The following SIRPG variants were observed in gnomAD, a reference collection of about 807,000 sequenced individuals.
SIRPG encodes signal regulatory protein gamma.
A neutral mutation model predicts 35.7 loss-of-function variants in SIRPG; 38 were observed. The ratio of observed to expected loss-of-function variants is 1.06; its 90% CI spans 0.82 to 1.40. The LOEUF (loss-of-function observed/expected upper bound fraction) is 1.40, where lower values mean the gene tolerates loss of function less well. SIRPG is among the 40% of genes most tolerant of loss of function. SIRPG has a pLI of 0.00. For synonymous variants in SIRPG, 215 were observed against 190.4 expected (o/e 1.13, Z -1.06); for missense variants, 519 against 483.0 (o/e 1.07, Z -0.70).
chr20:1,664,837 G>A, the SIRPG span, among the ~76,000 whole-genome samples: 8 of 152,226 alleles, frequency 5.3e-5, no homozygotes, highest in African/African-American at 1.9e-4. Flanking sequence ...GCCCTTTCCC[G>A]CATCCCTTCC....
At chr20:1,686,317 C>G in the SIRPG span, among the ~76,000 whole-genome samples, 2 of 152,032 alleles carry the variant, frequency 1.3e-5, no homozygotes, top group Non-Finnish European at 2.9e-5. Flanking sequence ...GGTTCTAGCC[C>G]AAGGCAGTGC....
the SIRPG span, among the ~76,000 whole-genome samples, chr20:1,668,142 C>T: frequency 2.6e-5 from 3 of 116,480 alleles, no homozygotes; most frequent in Non-Finnish European, 5.5e-5. Flanking sequence ...TTTCTCTTTT[C>T]TTTTCTTTTT....
chr20:1,659,039 T>A (rs1265355572), upstream of SIRPG, among the ~76,000 whole-genome samples: 1 of 152,224 alleles, frequency 6.6e-6, no homozygotes, highest in Non-Finnish European at 1.5e-5. Context: ...TGTTAGAATA[T>A]GCACCTTGTA....
At chr20:1,647,967 A>T (rs2122534983) in intron 2 of SIRPG, 1 of 152,296 alleles carries the variant, frequency 6.6e-6, no homozygotes, top group Non-Finnish European at 1.5e-5. Context: ...CTGGGGAAGG[A>T]AGGAGCCTGC....
chr20:1,649,410 T>G lies in SIRPG; in HGVS notation c.74-2A>C. Reference sequence around the variant, plus strand: ...GTAGCTCCTCCTCACCTGCCACTTCTGAAAAGGAGCACAAAGCAATCATTT... The same window carrying G: ...GTAGCTCCTCCTCACCTGCCACTTCGGAAAAGGAGCACAAAGCAATCATTT... On this transcript the variant is annotated splice_acceptor_variant, in intron 1 of 5. Transcript: ENST00000303415. LOFTEE classifies it high-confidence loss of function. The G allele has an allele frequency of 6.3e-7, 1 of 1,597,698 alleles. No individual in the cohort carries two copies. Among genetic ancestry groups the G allele is most frequent in the Non-Finnish European group, 8.5e-7 (1 of 1,170,464 alleles).
At chr20:1,650,665 A>G (rs2091935070) in intron 1 of SIRPG, among the ~76,000 whole-genome samples, 1 of 152,324 alleles carries the variant, frequency 6.6e-6, no homozygotes, top group South Asian at 2.1e-4. Flanking sequence ...AAAAAGAGGA[A>G]GAGAAAAAAG....
chr20:1,671,500 G>C, the SIRPG span, among the ~76,000 whole-genome samples: 1 of 152,156 alleles, frequency 6.6e-6, no homozygotes, highest in Non-Finnish European at 1.5e-5. Flanking sequence ...CCCCTGGAGA[G>C]TTCACCAATC....
chr20:1,684,593 G>A, the SIRPG span, among the ~76,000 whole-genome samples: 2 of 152,288 alleles, frequency 1.3e-5, no homozygotes, highest in Middle Eastern at 3.4e-3. Context: ...ATACACCAGC[G>A]TTTTAACTCT....
chr20:1,640,936 G>A (rs922240122), intron 2 of SIRPG, among the ~76,000 whole-genome samples: 3 of 152,178 alleles, frequency 2.0e-5, no homozygotes, highest in Non-Finnish European at 4.4e-5. Flanking sequence ...TGTTGAACAA[G>A]CCTTGCATGC....
Position 1,630,260 on chromosome 20 carries a change from C to A in SIRPG, c.1128G>T (p.Leu376=). ...LTALLLIAVL[L]GPIYVPWKQK... Reference sequence around the variant, plus strand: ...GCTTCCAGGGGACGTAGATGGGGCCCAGGAGGACAGCTATGAGGAGCAGCG... The same window carrying A: ...GCTTCCAGGGGACGTAGATGGGGCCAAGGAGGACAGCTATGAGGAGCAGCG... The change falls in exon 5 of 6, where the codon CTG becomes CTT. Residue 376 remains leucine, a synonymous_variant. Transcript: ENST00000303415. The A allele has an allele frequency of 6.3e-7, 1 of 1,574,978 alleles. No homozygotes were observed. The highest frequency in any genetic ancestry group is 2.3e-5 in the East Asian group (1 of 43,136).
At chr20:1,662,043 C>T (rs539932542), upstream of SIRPG, among the ~76,000 whole-genome samples, 1 of 152,292 alleles carries the variant, frequency 6.6e-6, no homozygotes, top group Admixed American at 6.5e-5. Flanking sequence ...TGCACAACCC[C>T]TGCAAAAAGT....
At chr20:1,665,930 G>C in the SIRPG span, among the ~76,000 whole-genome samples, 2 of 151,940 alleles carry the variant, frequency 1.3e-5, no homozygotes, top group Non-Finnish European at 1.5e-5. Flanking sequence ...CCTCAGGCAC[G>C]TCCTTCAGGA....
intron 1 of SIRPG, among the ~76,000 whole-genome samples, chr20:1,652,822 T>A (rs907220446): frequency 2.0e-5 from 3 of 152,226 alleles, no homozygotes; most frequent in Non-Finnish European, 2.9e-5. Context: ...CTGCAGTGGA[T>A]GTAAGCAACA....
intron 1 of SIRPG, among the ~76,000 whole-genome samples, chr20:1,654,976 G>T (rs1359647173): frequency 6.6e-6 from 1 of 152,188 alleles, no homozygotes; most frequent in East Asian, 1.9e-4. Context: ...TAAAACCGCA[G>T]TGGGCTATCA....
At chr20:1,684,343 TAAC>T in the SIRPG span, among the ~76,000 whole-genome samples, 175 of 152,256 alleles carry the variant, frequency 1.1e-3, no homozygotes, top group Non-Finnish European at 2.1e-3. Flanking sequence ...AATAAAAAGA[TAAC>T]AATAAATGTG....
intron 2 of SIRPG, among the ~76,000 whole-genome samples, chr20:1,641,608 C>T (rs1279493237): frequency 1.3e-5 from 2 of 151,988 alleles, no homozygotes; most frequent in Non-Finnish European, 2.9e-5. Flanking sequence ...TCCTTCAGTT[C>T]GTTTCTGATC....
chr20:1,666,937 A>C, the SIRPG span, among the ~76,000 whole-genome samples: 1 of 151,872 alleles, frequency 6.6e-6, no homozygotes, highest in African/African-American at 2.4e-5. Flanking sequence ...TTGGACAAAG[A>C]GACTTGCTCT....
the SIRPG span, among the ~76,000 whole-genome samples, chr20:1,673,934 G>A: frequency 6.6e-6 from 1 of 152,194 alleles, no homozygotes; most frequent in Non-Finnish European, 1.5e-5. Context: ...ATCTGAGCAG[G>A]ACTTAGACCA....
At chr20:1,683,339 G>A in the SIRPG span, among the ~76,000 whole-genome samples, 4 of 152,172 alleles carry the variant, frequency 2.6e-5, no homozygotes, top group African/African-American at 9.7e-5. Flanking sequence ...ACAGTATGGA[G>A]TTTCCTCCAA....
Sources: gnomAD v4.1 joint callset for allele counts (sites outside exome capture counted in the v4.1 genomes callset) on GRCh38, gnomAD v4.1.1 for gene constraint, MANE v1.5 for transcripts, NCBI Gene and HGNC (gene_info 2026-07-23, HGNC 2026-07-21) for gene names.